The following CPSF4L variants were observed in gnomAD, a reference collection of about 807,000 sequenced individuals.
CPSF4L encodes putative cleavage and polyadenylation specificity factor subunit 4-like protein.
CPSF4L carries 18 observed loss-of-function variants against 24.0 expected under a neutral mutation model. The observed-to-expected ratio is 0.75, with a 90% CI of 0.52 to 1.11. CPSF4L has a LOEUF of 1.11. Ranked by LOEUF, CPSF4L falls within the 50% of genes least tolerant of loss-of-function variation. The pLI is 0.00. For synonymous variants in CPSF4L, 72 were observed against 77.2 expected, an observed-to-expected ratio of 0.93 and a Z score of 0.35; for missense variants, 211 against 221.8, an observed-to-expected ratio of 0.95 and a Z score of 0.31.
At chr17:73,261,617 T>C (rs1028604121) in intron 1 of CPSF4L, 99 bp downstream of exon 1, 7 of 813,614 alleles carry the variant, frequency 8.6e-6, no homozygotes, top group Admixed American at 6.5e-5. Context: ...GCCGAGATTG[T>C]GCCACTACAC....
At chr17:73,263,679 G>T (rs1218112057), upstream of CPSF4L, among the ~76,000 whole-genome samples, 1 of 151,424 alleles carries the variant, frequency 6.6e-6, no homozygotes, top group Non-Finnish European at 1.5e-5. Context: ...GCCAGCTTTG[G>T]GGGGAAGTGA....
downstream of CPSF4L, chr17:73,247,420 T>C (rs1301318472): frequency 2.8e-6 from 4 of 1,408,972 alleles, no homozygotes; most frequent in South Asian, 1.2e-5. Flanking sequence ...TGAATTGCCC[T>C]GTAACACCTA....
At chr17:73,262,362 C>G (rs1329839703), upstream of CPSF4L, 1 of 152,896 alleles carries the variant, frequency 6.5e-6, no homozygotes, top group Admixed American at 6.5e-5. Context: ...CCTTTTCTGG[C>G]CTGAGTGACA....
chr17:73,255,436 G>T (rs2062021277), intron 3 of CPSF4L, among the ~76,000 whole-genome samples: 1 of 151,390 alleles, frequency 6.6e-6, no homozygotes, highest in South Asian at 2.1e-4. Context: ...GAACCTGGGA[G>T]GCAGAGGTTG....
chr17:73,248,561 G>C lies in CPSF4L; in HGVS notation c.498-25C>G, dbSNP rs142437148. The C allele has an allele frequency of 3.9e-6, 6 of 1,551,016 alleles. No individual in the cohort carries two copies. In the South Asian group the frequency reaches 5.9e-5, roughly 15 times the overall value. On this transcript the variant is annotated intron_variant, in intron 5 of 5. Transcript: ENST00000344935. ...CCTGCAAGGTGCATACAAATGCAGCGTGAGAATCCATACACGTAATCCATA... is the reference window on the plus strand; with the variant it reads ...CCTGCAAGGTGCATACAAATGCAGCCTGAGAATCCATACACGTAATCCATA...
At chr17:73,254,356 A>C (rs1241386693) in intron 3 of CPSF4L, among the ~76,000 whole-genome samples, 1 of 152,246 alleles carries the variant, frequency 6.6e-6, no homozygotes, top group Non-Finnish European at 1.5e-5. Context: ...CTGCGACGTT[A>C]AGTGGAGATA....
upstream of CPSF4L, chr17:73,262,095 A>G: frequency 2.3e-6 from 1 of 443,470 alleles, no homozygotes; most frequent in South Asian, 3.2e-5. Flanking sequence ...AGGGATTCGC[A>G]GAGCCCCACA....
rs955206122 is a variant in CPSF4L, at chr17:73,261,618, G to A, written c.103+98C>T. 4.9e-6 allele frequency: 4 copies of A among 818,560 alleles called. No individual in the cohort carries two copies. In the Admixed American group the frequency reaches 8.6e-5, roughly 18 times the overall value. 50.7% of individuals were successfully genotyped at this position (818,560 alleles called of 1,614,324 possible). ...AGAGCTTGCAATGAGCCGAGATTGT[G>A]CCACTACACTCCAGCCTGGGCTACA... On this transcript the variant is annotated intron_variant, in intron 1 of 5. Coordinates refer to ENST00000344935, the MANE Select transcript of CPSF4L (RefSeq NM_001129885.1).
chr17:73,254,903 A>G (rs1003316007), intron 3 of CPSF4L, among the ~76,000 whole-genome samples: 34 of 152,140 alleles, frequency 2.2e-4, no homozygotes, highest in Middle Eastern at 6.8e-3. Flanking sequence ...TGGCTTCCCA[A>G]AGTGCTGGGA....
chr17:73,247,100 CA>C (rs1599404628), downstream of CPSF4L: 22 of 711,548 alleles, frequency 3.1e-5, no homozygotes, highest in East Asian at 6.1e-4. Flanking sequence ...TGTATGTAGT[CA>C]AAATGTACAA....
At chr17:73,247,753 A>G (rs1052353982), downstream of CPSF4L, 8 of 165,370 alleles carry the variant, frequency 4.8e-5, no homozygotes, top group Non-Finnish European at 1.1e-4. Flanking sequence ...TAACTCACAT[A>G]TAGTAGGAAA....
At chr17:73,263,295 C>T (rs543183186), upstream of CPSF4L, among the ~76,000 whole-genome samples, 76 of 152,294 alleles carry the variant, frequency 5.0e-4, no homozygotes, top group Non-Finnish European at 9.6e-4. Context: ...ATGGGGTTCA[C>T]ATCTAGGTCT....
chr17:73,261,930 C>A, upstream of CPSF4L: 1 of 773,502 alleles, frequency 1.3e-6, no homozygotes, highest in Non-Finnish European at 2.1e-6. Context: ...CCCTTCACCC[C>A]AGGGTGCCAG....
chr17:73,247,850 A>C (rs1218434766), downstream of CPSF4L: 1 of 154,976 alleles, frequency 6.5e-6, no homozygotes, highest in East Asian at 1.9e-4. Flanking sequence ...AAGCCATTGG[A>C]AACATCTCCA....
intron 5 of CPSF4L, chr17:73,251,177 G>A (rs2062004434): frequency 1.4e-6 from 2 of 1,395,052 alleles, no homozygotes; most frequent in Admixed American, 2.6e-5. Context: ...TTCACAGAGG[G>A]CCGGGACGCT....
At chr17:73,255,464 G>T (rs970522133) in intron 3 of CPSF4L, among the ~76,000 whole-genome samples, 6 of 149,024 alleles carry the variant, frequency 4.0e-5, no homozygotes, top group African/African-American at 1.2e-4. Flanking sequence ...TCGAGATTGT[G>T]CCATTCCATT....
chr17:73,260,300 C>T (rs190774804), intron 2 of CPSF4L, among the ~76,000 whole-genome samples: 249 of 152,272 alleles, frequency 1.6e-3, no homozygotes, highest in Non-Finnish European at 2.4e-3. Context: ...AGCTCAGACA[C>T]ACGCCCATCC....
chr17:73,260,660 G>T (rs892341354), intron 2 of CPSF4L, among the ~76,000 whole-genome samples: 1 of 152,154 alleles, frequency 6.6e-6, no homozygotes, highest in East Asian at 1.9e-4. Context: ...CCAGTTACTC[G>T]GGAGGCTGAG....
intron 2 of CPSF4L, among the ~76,000 whole-genome samples, chr17:73,259,634 C>T: frequency 6.6e-6 from 1 of 152,210 alleles, no homozygotes; most frequent in East Asian, 1.9e-4. Context: ...GGAGATGCCA[C>T]TCAGTCCACA....
Sources: gnomAD v4.1 joint callset for allele counts (sites outside exome capture counted in the v4.1 genomes callset) on GRCh38, gnomAD v4.1.1 for gene constraint, MANE v1.5 for transcripts, NCBI Gene and HGNC (gene_info 2026-07-23, HGNC 2026-07-21) for gene names.